Variants in TARBP1 observed in about 807,000 individuals in gnomAD.
TARBP1 encodes the protein tRNA guanosine 2 -O-methyltransferase TARBP1.
TARBP1 carries 144 observed loss-of-function variants against 178.6 expected under a neutral mutation model. The ratio of observed to expected loss-of-function variants is 0.81; its 90% CI spans 0.70 to 0.93. The LOEUF (loss-of-function observed/expected upper bound fraction) is 0.93, where lower values mean the gene tolerates loss of function less well. Ranked by LOEUF, TARBP1 falls within the 40% of genes least tolerant of loss-of-function variation. The probability of loss-of-function intolerance (pLI) is 0.00; values close to 1 mark genes in which losing one functional copy is unlikely to be tolerated. For missense variants in TARBP1, 2,067 were observed against 2,011.7 expected, an observed-to-expected ratio of 1.03 and a Z score of -0.53; for synonymous variants, 787 against 781.0, an observed-to-expected ratio of 1.01 and a Z score of -0.13.
intron 26 of TARBP1, among the ~76,000 whole-genome samples, chr1:234,394,200 A>G (rs925328867): frequency 6.6e-6 from 1 of 152,238 alleles, no homozygotes; most frequent in African/African-American, 2.4e-5. Context: ...ATAATGATGT[A>G]TCTTACAAAC....
At chr1:234,465,170 TGC>T (rs1224538417) in intron 5 of TARBP1, among the ~76,000 whole-genome samples, 1 of 152,074 alleles carries the variant, frequency 6.6e-6, no homozygotes, top group Admixed American at 6.5e-5. Flanking sequence ...CTAAGAAAGA[TGC>T]GCACACAGGG....
At chr1:234,410,074 G>A (rs753600040) in intron 23 of TARBP1, among the ~76,000 whole-genome samples, 11 of 152,136 alleles carry the variant, frequency 7.2e-5, no homozygotes, top group Admixed American at 2.6e-4. Context: ...TTCTTTGCAC[G>A]AGCATTTGTT....
chr1:234,392,703 A>T, intron 28 of TARBP1, 151 bp from the exon 29 acceptor site: 1 of 551,456 alleles, frequency 1.8e-6, no homozygotes, highest in Non-Finnish European at 2.9e-6. Flanking sequence ...TCCCAACATG[A>T]CATCAATTTC....
rs1669841195 is a variant in TARBP1 at position 234,478,789 on chromosome 1, G to A, written c.315C>T (p.Arg105=). The stretch of plus-strand genomic sequence containing the variant: ...GACGCCCGGCCAGGCGGACGCACGA[G>A]CGCAGGGCCGCGCCCGCCGCCCTCA... ...RVLRAAGAAL[R]SCVRLAGRPQ... The change falls in exon 1 of 30, where the codon CGC becomes CGT. Residue 105 remains arginine (R), a synonymous_variant. Coordinates refer to ENST00000040877, the MANE Select transcript of TARBP1 (RefSeq NM_005646.4). The A allele has an allele frequency of 2.7e-6, 3 of 1,127,170 alleles. No individual in the cohort carries two copies. The highest frequency in any genetic ancestry group is 5.1e-5 in the East Asian group (1 of 19,610). 69.8% of individuals were successfully genotyped at this position (1,127,170 alleles called of 1,614,324 possible).
intron 1 of TARBP1, among the ~76,000 whole-genome samples, chr1:234,475,638 G>A (rs1014978871): frequency 4.6e-5 from 7 of 152,234 alleles, no homozygotes; most frequent in Non-Finnish European, 7.3e-5. Context: ...CACAGACAGC[G>A]AAAGAGCAGG....
chr1:234,443,149 G>C lies in TARBP1; in HGVS notation c.2134+3654C>G, dbSNP rs546713525. Reference sequence around the variant, plus strand: ...CTAATAAAAATACAAAATTAGCCAGGCATGGTGGTGCATGCCTGTAATCTC... The same window carrying C: ...CTAATAAAAATACAAAATTAGCCAGCCATGGTGGTGCATGCCTGTAATCTC... On this transcript the variant is annotated intron_variant, in intron 12 of 29. Transcript: ENST00000040877. 3.6e-4 allele frequency among the ~76,000 whole-genome samples: 55 copies of C among 152,090 alleles called. 1 individual carries two copies. In the South Asian group the frequency reaches 0.011, roughly 30 times the overall value.
chr1:234,394,690 A>G (rs928532982), intron 26 of TARBP1, among the ~76,000 whole-genome samples: 13 of 152,276 alleles, frequency 8.5e-5, no homozygotes, highest in African/African-American at 3.1e-4. Flanking sequence ...CATGGGATGT[A>G]GAAGCAACAT....
In TARBP1 at chr1:234,406,051, T is replaced by G. The variant is rs769702953; in HGVS notation, c.3841A>C (p.Asn1281His). The G allele has an allele frequency of 5.0e-6, 8 of 1,614,192 alleles. No individual in the cohort carries two copies. The highest frequency in any genetic ancestry group is 6.8e-6 in the Non-Finnish European group (8 of 1,180,044). The change falls in exon 24 of 30, where the codon AAT becomes CAT. Residue 1281 changes from asparagine to histidine, a missense_variant. By Grantham distance (68) the Asn-to-His change is moderately conservative (BLOSUM62 1). Coordinates refer to ENST00000040877, the MANE Select transcript of TARBP1 (RefSeq NM_005646.4). ...TACAGTCGAACACTAAAATTGTGAT[T>G]GAAACACCACTGCAGCACAACTATA... ...ALIVVLQWCF[N>H]HNFSVRLYAL... is the part of the protein sequence containing the mutation.
In TARBP1 at chr1:234,478,665, C is replaced by T. The variant is rs1172986812; in HGVS notation, c.439G>A (p.Val147Ile). The change falls in exon 1 of 30, where the codon GTC becomes ATC. Residue 147 changes from valine to isoleucine, a missense_variant. Val to Ile is a conservative substitution (Grantham distance 29, BLOSUM62 3). Transcript: ENST00000040877. ...TCGCGGGGCCGCAAACATGGCCCGA[C>T]GGCTGCTAGCACTTCCACGGCAGCC... ...AEAAVEVLAA[V>I]GPCLRPREDG... 2 of 1,258,260 alleles carry T rather than the reference C, an allele frequency of 1.6e-6. No homozygotes were observed. The highest frequency in any genetic ancestry group is 2.5e-5 in the South Asian group (1 of 40,422). 77.9% of individuals were successfully genotyped at this position (1,258,260 alleles called of 1,614,324 possible).
chr1:234,466,808 A>G (rs1284996806), intron 4 of TARBP1, among the ~76,000 whole-genome samples: 1 of 152,094 alleles, frequency 6.6e-6, no homozygotes, highest in Non-Finnish European at 1.5e-5. Context: ...GGTTGCACTG[A>G]GCCGAGATCA....
chr1:234,414,637 G>A (rs1359805396), intron 22 of TARBP1, among the ~76,000 whole-genome samples: 1 of 152,164 alleles, frequency 6.6e-6, no homozygotes, highest in Non-Finnish European at 1.5e-5. Flanking sequence ...CTTCTGAGAA[G>A]TAACTGAACT....
In TARBP1 at chr1:234,460,337, T is replaced by G. The variant is rs750502327; in HGVS notation, c.1459A>C (p.Ile487Leu). The G allele has an allele frequency of 6.2e-7, 1 of 1,614,070 alleles. No homozygotes were observed. Among genetic ancestry groups the G allele is most frequent in the Non-Finnish European group, 8.5e-7 (1 of 1,180,040 alleles). Residue 487 changes from isoleucine (I) to leucine (L), a missense_variant, in exon 7 of 30, where the codon ATT (isoleucine) becomes CTT (leucine). Ile to Leu is a conservative substitution (Grantham distance 5, BLOSUM62 2). Coordinates refer to ENST00000040877, the MANE Select transcript of TARBP1 (RefSeq NM_005646.4). The stretch of plus-strand genomic sequence containing the variant: ...GCCAAAGCCTTAGATAGAAACAAAA[T>G]GGGAACAGCACACCAATGCCTACTT... ...MTSRHWCAVPILFLSKALANV... is the reference protein window; with the variant it reads ...MTSRHWCAVPLLFLSKALANV...
chr1:234,445,786 T>C (rs926151988), intron 12 of TARBP1, among the ~76,000 whole-genome samples: 5 of 151,736 alleles, frequency 3.3e-5, no homozygotes, highest in African/African-American at 1.2e-4. Flanking sequence ...AGGTGTTTAA[T>C]TACTTTGCAT....
chr1:234,410,154 TAAGA>T (rs1408381599), intron 23 of TARBP1, among the ~76,000 whole-genome samples: 6 of 152,212 alleles, frequency 3.9e-5, no homozygotes, highest in Admixed American at 3.9e-4. Context: ...ATCCTAATCC[TAAGA>T]ATTATAAATA....
At chr1:234,468,693 G>A (rs1668707246) in intron 3 of TARBP1, among the ~76,000 whole-genome samples, 1 of 151,932 alleles carries the variant, frequency 6.6e-6, no homozygotes, top group Admixed American at 6.6e-5. Flanking sequence ...GTCCAAACAA[G>A]GCATGAACTG....
intron 13 of TARBP1, among the ~76,000 whole-genome samples, chr1:234,434,499 G>C (rs2103149133): frequency 6.6e-6 from 1 of 152,280 alleles, no homozygotes; most frequent in South Asian, 2.1e-4. Context: ...TGCCAGGAAG[G>C]ATTCCTAAGT....
chr1:234,433,434 A>C lies in TARBP1; in HGVS notation c.2370T>G (p.His790Gln), dbSNP rs761907536. 2.1e-5 allele frequency: 34 copies of C among 1,614,030 alleles called. No homozygotes were observed. Among genetic ancestry groups the C allele is most frequent in the Non-Finnish European group, 2.5e-5 (29 of 1,179,998 alleles). The change falls in exon 14 of 30, where the codon CAT becomes CAG. Residue 790 changes from histidine to glutamine, a missense_variant. Physicochemically the swap from His to Gln is conservative, Grantham distance 24. Transcript: ENST00000040877. ...ISLLKNASIQ[H>Q]LQEMDSGQEP... Reference sequence around the variant, plus strand: ...CCTGTCCACTGTCCATCTCTTGAAGATGCTGAATGGATGCATTTTTCAAAA... The same window carrying C: ...CCTGTCCACTGTCCATCTCTTGAAGCTGCTGAATGGATGCATTTTTCAAAA...
chr1:234,430,913 G>A (rs1018247612), intron 14 of TARBP1, among the ~76,000 whole-genome samples: 1 of 152,146 alleles, frequency 6.6e-6, no homozygotes, highest in African/African-American at 2.4e-5. Flanking sequence ...CTGTAAAATG[G>A]GGACAGTAAC....
chr1:234,426,042 C>T (rs1470356827), intron 19 of TARBP1, among the ~76,000 whole-genome samples: 2 of 152,212 alleles, frequency 1.3e-5, no homozygotes, highest in East Asian at 3.8e-4. Context: ...TCTGGAGAAT[C>T]AATGCACACG....
Sources: gnomAD v4.1 joint callset for allele counts (sites outside exome capture counted in the v4.1 genomes callset) on GRCh38, gnomAD v4.1.1 for gene constraint, MANE v1.5 for transcripts, NCBI Gene and HGNC (gene_info 2026-07-23, HGNC 2026-07-21) for gene names.